Variants in MAF observed in about 807,000 individuals in gnomAD.
The protein encoded by MAF is MAF bZIP transcription factor.
A neutral mutation model predicts 22.0 loss-of-function variants in MAF; 10 were observed. The observed-to-expected ratio is 0.45, with a 90% CI of 0.28 to 0.77. MAF has a LOEUF of 0.77. Among genes scored for constraint, MAF ranks in the 30% least tolerant of loss-of-function variants. The probability of loss-of-function intolerance (pLI) is 0.12; values close to 1 mark genes in which losing one functional copy is unlikely to be tolerated. For synonymous variants in MAF, 337 were observed against 255.8 expected (o/e 1.32, Z -3.03); for missense variants, 544 against 548.4 (o/e 0.99, Z 0.08).
At chr16:79,292,667 G>T in the MAF span, among the ~76,000 whole-genome samples, 2 of 152,150 alleles carry the variant, frequency 1.3e-5, no homozygotes, top group Non-Finnish European at 2.9e-5. Flanking sequence ...TTCCCGGGAA[G>T]TTAGGCATTC....
intron 1 of MAF, chr16:79,596,259 G>C: frequency 9.4e-7 from 1 of 1,059,028 alleles, no homozygotes; most frequent in Non-Finnish European, 1.1e-6. Context: ...AAAACTTTGG[G>C]GAGAAAAAAA....
chr16:79,221,541 A>C, the MAF span, among the ~76,000 whole-genome samples: 2 of 152,260 alleles, frequency 1.3e-5, no homozygotes, highest in Non-Finnish European at 2.9e-5. Flanking sequence ...ACCACTGTTT[A>C]AAGTATTAAA....
the MAF span, among the ~76,000 whole-genome samples, chr16:79,332,733 A>G: frequency 6.6e-6 from 1 of 152,274 alleles, no homozygotes; most frequent in Non-Finnish European, 1.5e-5. Flanking sequence ...TTGATGGAGG[A>G]GTAAACTGAG....
chr16:79,597,989 T>C (rs929400717), intron 1 of MAF: 1 of 1,042,862 alleles, frequency 9.6e-7, no homozygotes, highest in Non-Finnish European at 1.2e-6. Flanking sequence ...AGAAGGTTGA[T>C]GCAGGCTTGA....
chr16:79,487,389 T>A, the MAF span, among the ~76,000 whole-genome samples: 3 of 152,140 alleles, frequency 2.0e-5, no homozygotes, highest in African/African-American at 7.2e-5. Flanking sequence ...GTGGTGGATA[T>A]ATGGGTATAT....
At chr16:79,408,124 G>A in the MAF span, among the ~76,000 whole-genome samples, 1 of 151,374 alleles carries the variant, frequency 6.6e-6, no homozygotes, top group African/African-American at 2.4e-5. Context: ...TGGAGGGATG[G>A]TTAAAAGCAT....
the MAF span, among the ~76,000 whole-genome samples, chr16:79,346,710 C>G: frequency 1.3e-5 from 2 of 152,116 alleles, no homozygotes; most frequent in Non-Finnish European, 2.9e-5. Flanking sequence ...GCCAGTACCC[C>G]ATATTCATAG....
the MAF span, among the ~76,000 whole-genome samples, chr16:79,379,251 GA>G: frequency 1.3e-5 from 2 of 152,174 alleles, no homozygotes; most frequent in Non-Finnish European, 2.9e-5. Flanking sequence ...GAACTGTGTT[GA>G]AAAGAACTCT....
chr16:79,356,594 CT>C, the MAF span, among the ~76,000 whole-genome samples: 1,282 of 152,288 alleles, frequency 8.4e-3, 21 homozygotes, highest in African/African-American at 0.029. Flanking sequence ...TCTCCTGTCT[CT>C]GCTTTGCCCA....
the MAF span, among the ~76,000 whole-genome samples, chr16:79,457,517 G>A: frequency 6.6e-6 from 1 of 151,462 alleles, no homozygotes; most frequent in South Asian, 2.1e-4. Flanking sequence ...ATTCAACCAT[G>A]TCAGCAGCAA....
the MAF span, among the ~76,000 whole-genome samples, chr16:79,372,808 C>T: frequency 6.6e-6 from 1 of 152,204 alleles, no homozygotes; most frequent in Admixed American, 6.5e-5. Flanking sequence ...TCCCACCTGG[C>T]ACCCTCTCAG....
At chr16:79,304,204 T>G in the MAF span, among the ~76,000 whole-genome samples, 1 of 152,190 alleles carries the variant, frequency 6.6e-6, no homozygotes, top group Non-Finnish European at 1.5e-5. Flanking sequence ...TTGTGACCTG[T>G]CGCACCCTGG....
the MAF span, among the ~76,000 whole-genome samples, chr16:79,233,130 G>A: frequency 9.2e-5 from 14 of 151,920 alleles, no homozygotes; most frequent in Non-Finnish European, 1.9e-4. Flanking sequence ...GTGAACCACC[G>A]CGCCCGGCCT....
the MAF span, among the ~76,000 whole-genome samples, chr16:79,538,434 G>C: frequency 2.0e-3 from 297 of 152,196 alleles, 2 homozygotes; most frequent in African/African-American, 6.8e-3. Flanking sequence ...TTAAATGTCC[G>C]ATATAAAAAC....
chr16:79,588,066 T>A (rs898493125), intron 1 of MAF, among the ~76,000 whole-genome samples: 1 of 152,196 alleles, frequency 6.6e-6, no homozygotes, highest in African/African-American at 2.4e-5. Flanking sequence ...TACGAGCACA[T>A]AGCTCTTACA....
At chr16:79,328,594 G>T in the MAF span, among the ~76,000 whole-genome samples, 3 of 152,162 alleles carry the variant, frequency 2.0e-5, no homozygotes, top group African/African-American at 7.2e-5. Context: ...CCCTCGAGCC[G>T]AGCTGGCACT....
the MAF span, among the ~76,000 whole-genome samples, chr16:79,273,350 T>C: frequency 2.0e-5 from 3 of 152,286 alleles, no homozygotes; most frequent in East Asian, 5.8e-4. Context: ...GACGTTAGAC[T>C]TTTCATTGCT....
the MAF span, among the ~76,000 whole-genome samples, chr16:79,224,421 C>T: frequency 6.6e-6 from 1 of 152,150 alleles, no homozygotes; most frequent in African/African-American, 2.4e-5. Flanking sequence ...TGGGCAAAAA[C>T]TGGAAGCATG....
the MAF span, among the ~76,000 whole-genome samples, chr16:79,580,472 A>T: frequency 6.6e-6 from 1 of 152,328 alleles, no homozygotes; most frequent in African/African-American, 2.4e-5. Flanking sequence ...GAAGTTCTGG[A>T]AGTTCTGATT....
Sources: allele counts gnomAD v4.1 joint callset (sites outside exome capture counted in the v4.1 genomes callset), GRCh38; gene constraint gnomAD v4.1.1; transcripts MANE v1.5; gene names NCBI Gene and HGNC (gene_info 2026-07-23, HGNC 2026-07-21).